SYNDIG1: variants seen among roughly 807,000 people sequenced by gnomAD.
The protein encoded by SYNDIG1 is synapse differentiation inducing 1, also known as synapse differentiation-inducing gene protein 1.
Under a neutral mutation model 19.4 loss-of-function variants are expected in SYNDIG1, and 9 were observed. The ratio of observed to expected loss-of-function variants is 0.46; its 90% confidence interval spans 0.28 to 0.81. SYNDIG1 has a LOEUF of 0.81. Ranked by LOEUF, SYNDIG1 falls within the 30% of genes least tolerant of loss-of-function variation. SYNDIG1 has a pLI of 0.12. For missense variants in SYNDIG1, 311 were observed against 343.3 expected (o/e 0.91, Z 0.74); for synonymous variants, 141 against 145.9 (o/e 0.97, Z 0.24).
chr20:24,622,544 C>A (rs926872355), intron 3 of SYNDIG1, among the ~76,000 whole-genome samples: 3 of 152,224 alleles, frequency 2.0e-5, no homozygotes, highest in Non-Finnish European at 4.4e-5. Flanking sequence ...GCATTAGATT[C>A]TCATAGGAAT....
chr20:24,513,869 C>T (rs1480777712), intron 1 of SYNDIG1, among the ~76,000 whole-genome samples: 1 of 152,230 alleles, frequency 6.6e-6, no homozygotes, highest in Non-Finnish European at 1.5e-5. Flanking sequence ...TAAGGGCAGC[C>T]AGAGAGAAAG....
rs547765877 is a variant in SYNDIG1 at position 24,632,738 on chromosome 20, A to G, written c.619-32608A>G. ...ACAGCAGGAAGCCTTGCTTCCCTTC[A>G]AGTATTTAGTGCCAGCTGGAGGGAT... is the stretch of plus-strand genomic sequence containing the variant. On this transcript the variant is annotated intron_variant, in intron 3 of 3. Transcript: ENST00000376862. 5.9e-5 allele frequency among the ~76,000 whole-genome samples: 9 copies of G among 152,266 alleles called. No individual in the cohort carries two copies. The East Asian group carries it at 1.5e-3, about 26-fold the overall frequency.
chr20:24,606,277 A>G (rs1056045677), intron 3 of SYNDIG1, among the ~76,000 whole-genome samples: 2 of 152,244 alleles, frequency 1.3e-5, no homozygotes, highest in South Asian at 2.1e-4. Flanking sequence ...GGATGTGGCT[A>G]TGAGGCTGTG....
At chr20:24,529,503 C>A (rs1014300189) in intron 1 of SYNDIG1, among the ~76,000 whole-genome samples, 5 of 152,114 alleles carry the variant, frequency 3.3e-5, no homozygotes, top group African/African-American at 1.2e-4. Flanking sequence ...AAGAAGAAGC[C>A]ATAGACATAT....
intron 1 of SYNDIG1, among the ~76,000 whole-genome samples, chr20:24,494,472 C>G (rs2056244688): frequency 6.6e-6 from 1 of 152,166 alleles, no homozygotes; most frequent in South Asian, 2.1e-4. Context: ...ACTGAAGTCA[C>G]AGAGAGTGGC....
At chr20:24,651,167 G>T (rs183055869) in intron 3 of SYNDIG1, among the ~76,000 whole-genome samples, 1 of 152,170 alleles carries the variant, frequency 6.6e-6, no homozygotes, top group Non-Finnish European at 1.5e-5. Flanking sequence ...TTGCTCACAT[G>T]TGTTTACTCT....
intron 3 of SYNDIG1, among the ~76,000 whole-genome samples, chr20:24,647,728 T>C (rs368877783): frequency 2.6e-5 from 4 of 151,134 alleles, no homozygotes; most frequent in African/African-American, 9.7e-5. Flanking sequence ...TCATTTGAGA[T>C]AAAAAGCTCA....
chr20:24,512,111 ATATATATATAT>A (rs1427368450), intron 1 of SYNDIG1, among the ~76,000 whole-genome samples: 1 of 8,128 alleles, frequency 1.2e-4, no homozygotes, highest in Non-Finnish European at 3.4e-4. Context: ...TCTTTAAAAT[ATATATATATAT>A]ATATATATAT....
chr20:24,477,614 T>A (rs758874911), intron 1 of SYNDIG1, among the ~76,000 whole-genome samples: 14 of 152,164 alleles, frequency 9.2e-5, no homozygotes, highest in Non-Finnish European at 1.8e-4. Context: ...TGCCTCTCCA[T>A]CATCTTGTCC....
chr20:24,611,654 TC>T (rs2058850397), intron 3 of SYNDIG1, among the ~76,000 whole-genome samples: 4 of 146,874 alleles, frequency 2.7e-5, no homozygotes, highest in African/African-American at 1.0e-4. Flanking sequence ...CAGGAGCCCC[TC>T]CTCAGCCTCT....
intron 1 of SYNDIG1, among the ~76,000 whole-genome samples, chr20:24,511,487 C>G (rs987614416): frequency 6.6e-6 from 1 of 152,156 alleles, no homozygotes; most frequent in Non-Finnish European, 1.5e-5. Context: ...TGAGTTTTCA[C>G]TGGATACGTT....
At chr20:24,617,743 G>C (rs1313609356) in intron 3 of SYNDIG1, among the ~76,000 whole-genome samples, 2 of 151,560 alleles carry the variant, frequency 1.3e-5, no homozygotes, top group Non-Finnish European at 2.9e-5. Flanking sequence ...GGAGGCTGAG[G>C]GAGAGCTCGG....
chr20:24,661,489 A>C (rs139131759), intron 3 of SYNDIG1, among the ~76,000 whole-genome samples: 1 of 10,404 alleles, frequency 9.6e-5, no homozygotes, highest in Non-Finnish European at 1.7e-4. Flanking sequence ...AGGGAGGAAG[A>C]AGGGAGGGAG....
Position 24,640,097 on chromosome 20 carries a change from G to A in SYNDIG1, c.619-25249G>A, listed in dbSNP as rs139636954. Among the ~76,000 whole-genome samples the A allele has an allele frequency of 7.2e-5, 11 of 152,220 alleles. No homozygotes were observed. The East Asian group carries it at 2.1e-3, about 29-fold the overall frequency. ...GCCTGTAATTCCAGCACTTTGGAAG[G>A]CCAAGGTGGGCAGATCACTTGAGGT... On this transcript the variant is annotated intron_variant, in intron 3 of 3. Coordinates refer to ENST00000376862, the MANE Select transcript of SYNDIG1 (RefSeq NM_024893.3).
intron 3 of SYNDIG1, among the ~76,000 whole-genome samples, chr20:24,630,973 A>T (rs2059233235): frequency 6.6e-6 from 1 of 152,244 alleles, no homozygotes; most frequent in Non-Finnish European, 1.5e-5. Flanking sequence ...CTGAAAGATG[A>T]GCTGGCTTGG....
rs763615385 is a variant in SYNDIG1, at chr20:24,560,795, C to CT, written c.480+17220dup. Among the ~76,000 whole-genome samples the CT allele has an allele frequency of 5.5e-5, 8 of 144,268 alleles. No individual in the cohort carries two copies. In the East Asian group the frequency reaches 1.4e-3, roughly 26 times the overall value. The allele number at this position is 144,268 out of a possible 152,430, so 94.6% of individuals were successfully genotyped here. A position where few individuals can be genotyped will look rare whatever the true frequency, so the allele number is the denominator to read the frequency against. ...TGTGGTTGAAAACTAAACTAGACAA[C>CT]TTGAATGATATAGCATAGCAATACA... On this transcript the variant is annotated intron_variant, in intron 2 of 3. Transcript: ENST00000376862.
At chr20:24,600,366 C>T (rs1195292703) in intron 3 of SYNDIG1, among the ~76,000 whole-genome samples, 1 of 152,070 alleles carries the variant, frequency 6.6e-6, no homozygotes, top group African/African-American at 2.4e-5. Flanking sequence ...AAATGCATAG[C>T]TTAACAAATT....
intron 3 of SYNDIG1, among the ~76,000 whole-genome samples, chr20:24,595,265 T>C (rs1219686421): frequency 6.6e-6 from 1 of 152,244 alleles, no homozygotes; most frequent in Non-Finnish European, 1.5e-5. Flanking sequence ...TCTATTGAGA[T>C]GATCTTATGG....
chr20:24,582,356 G>T (rs866483820), intron 2 of SYNDIG1, among the ~76,000 whole-genome samples: 24 of 85,320 alleles, frequency 2.8e-4, no homozygotes, highest in Non-Finnish European at 2.3e-4. Flanking sequence ...CCCCTGCATG[G>T]CCTTCCCCTT....
Sources: allele counts gnomAD v4.1 joint callset (sites outside exome capture counted in the v4.1 genomes callset), GRCh38; gene constraint gnomAD v4.1.1; transcripts MANE v1.5; gene names NCBI Gene and HGNC (gene_info 2026-07-23, HGNC 2026-07-21).